The following NAV2 variants were observed in gnomAD, a reference collection of about 807,000 sequenced individuals.
The protein encoded by NAV2 is helicase, APC down-regulated 1.
A neutral mutation model predicts 223.2 loss-of-function variants in NAV2; 54 were observed. The observed-to-expected ratio is 0.24, with a 90% CI of 0.19 to 0.30. The LOEUF (loss-of-function observed/expected upper bound fraction) is 0.30. Among genes scored for constraint, NAV2 ranks in the 10% least tolerant of loss-of-function variants. The pLI, the probability that NAV2 is intolerant of heterozygous loss-of-function variation, is 1.00. For missense variants in NAV2, 2,806 were observed against 3,147.5 expected, an observed-to-expected ratio of 0.89 and a Z score of 2.60; for synonymous variants, 1,279 against 1,239.3, an observed-to-expected ratio of 1.03 and a Z score of -0.67.
intron 1 of NAV2, among the ~76,000 whole-genome samples, chr11:19,410,248 C>G (rs1850085740): frequency 6.6e-6 from 1 of 152,168 alleles, no homozygotes; most frequent in African/African-American, 2.4e-5. Flanking sequence ...CCTCTGGGCC[C>G]TTTCCTCCCT....
At chr11:19,460,713 A>G (rs1852126954) in intron 1 of NAV2, among the ~76,000 whole-genome samples, 1 of 152,050 alleles carries the variant, frequency 6.6e-6, no homozygotes, top group African/African-American at 2.4e-5. Context: ...GGTGCAGCAC[A>G]CCAACATGGC....
rs143369455 is a variant in NAV2 at position 19,722,148 on chromosome 11, T to C, written c.267+8186T>C. Among the ~76,000 whole-genome samples, 967 of 152,336 alleles carry C rather than the reference T, an allele frequency of 6.3e-3. 5 individuals are homozygous for C. The highest frequency in any genetic ancestry group is 9.6e-3 in the Non-Finnish European group (656 of 68,030). Reference sequence around the variant, plus strand: ...TAAGTTCTGGACTCTTTATCTTCTTTCTGGTATAGTGTGAAAACTTTGGCT... The same window carrying C: ...TAAGTTCTGGACTCTTTATCTTCTTCCTGGTATAGTGTGAAAACTTTGGCT... On this transcript the variant is annotated intron_variant, in intron 1 of 37. Transcript: ENST00000349880.
At chr11:19,945,366 CT>C (rs2046856365) in intron 8 of NAV2, among the ~76,000 whole-genome samples, 1 of 150,232 alleles carries the variant, frequency 6.7e-6, no homozygotes, top group Non-Finnish European at 1.5e-5. Context: ...CCTTCCCTTC[CT>C]TTCCCTGCCT....
chr11:19,602,478 T>G (rs1003062713), intron 1 of NAV2, among the ~76,000 whole-genome samples: 1 of 152,056 alleles, frequency 6.6e-6, no homozygotes, highest in Admixed American at 6.6e-5. Context: ...ACCCAGCCAC[T>G]TCTCTGCAAG....
intron 1 of NAV2, among the ~76,000 whole-genome samples, chr11:19,783,745 G>A (rs2056912433): frequency 6.6e-6 from 1 of 152,162 alleles, no homozygotes; most frequent in African/African-American, 2.4e-5. Context: ...TGATGATGAT[G>A]ATAATCATTC....
chr11:19,576,646 C>T (rs545382431), intron 1 of NAV2, among the ~76,000 whole-genome samples: 7 of 152,126 alleles, frequency 4.6e-5, no homozygotes, highest in Non-Finnish European at 7.4e-5. Context: ...TTACACATTC[C>T]GGTGCCTGGA....
intron 1 of NAV2, among the ~76,000 whole-genome samples, chr11:19,362,062 A>G (rs1221615003): frequency 1.3e-5 from 2 of 152,184 alleles, no homozygotes; most frequent in Admixed American, 6.5e-5. Context: ...AGGGAGATGG[A>G]CTAGCAATTG....
At chr11:19,893,270 T>G (rs553151298) in intron 6 of NAV2, among the ~76,000 whole-genome samples, 2 of 152,132 alleles carry the variant, frequency 1.3e-5, no homozygotes, top group Non-Finnish European at 2.9e-5. Context: ...CTCTATCTCT[T>G]GAGACATTGG....
chr11:19,521,491 G>C (rs1197450398), intron 1 of NAV2, among the ~76,000 whole-genome samples: 1 of 152,194 alleles, frequency 6.6e-6, no homozygotes, highest in East Asian at 1.9e-4. Context: ...TAAGTGCTCA[G>C]CAATAAAGGA....
chr11:20,056,371 G>A (rs535281728), intron 19 of NAV2, among the ~76,000 whole-genome samples: 4 of 152,330 alleles, frequency 2.6e-5, no homozygotes, highest in African/African-American at 7.2e-5. Context: ...TCTGGGGGCC[G>A]GGCAGCCACG....
intron 11 of NAV2, among the ~76,000 whole-genome samples, chr11:20,029,743 A>T (rs2055516653): frequency 6.6e-6 from 1 of 152,378 alleles, no homozygotes; most frequent in South Asian, 2.1e-4. Context: ...GAGAAGAAAC[A>T]TAGAAAATGT....
At chr11:19,887,350 G>A (rs1322144567) in intron 5 of NAV2, among the ~76,000 whole-genome samples, 1 of 151,994 alleles carries the variant, frequency 6.6e-6, no homozygotes, top group Non-Finnish European at 1.5e-5. Context: ...GGTGAGCCCA[G>A]GGAGGCTTAT....
chr11:19,964,557 A>G (rs1013463714), intron 10 of NAV2, among the ~76,000 whole-genome samples: 6 of 151,108 alleles, frequency 4.0e-5, no homozygotes, highest in Non-Finnish European at 7.4e-5. Flanking sequence ...GTGCAATAGC[A>G]TGATCATAGC....
chr11:19,947,956 A>C (rs985693993), intron 9 of NAV2, among the ~76,000 whole-genome samples: 6 of 152,264 alleles, frequency 3.9e-5, no homozygotes, highest in Admixed American at 3.9e-4. Context: ...GGAGAATCCC[A>C]CCCTTAGGAA....
chr11:19,374,085 TATA>T (rs2133876813), intron 1 of NAV2, among the ~76,000 whole-genome samples: 1 of 152,356 alleles, frequency 6.6e-6, no homozygotes, highest in East Asian at 1.9e-4. Context: ...TTATAGCAAT[TATA>T]ATAATGTTAT....
intron 1 of NAV2, among the ~76,000 whole-genome samples, chr11:19,424,098 A>G (rs1850728550): frequency 6.6e-6 from 1 of 152,214 alleles, no homozygotes; most frequent in Non-Finnish European, 1.5e-5. Flanking sequence ...TATTCTTTGT[A>G]TGAGCTGCTT....
intron 1 of NAV2, among the ~76,000 whole-genome samples, chr11:19,817,399 C>T (rs2059144607): frequency 6.6e-6 from 1 of 150,744 alleles, no homozygotes; most frequent in Admixed American, 6.6e-5. Context: ...TGCCTGGGAC[C>T]TAGTAAGCCC....
chr11:20,079,044 C>T (rs10741816), intron 24 of NAV2, among the ~76,000 whole-genome samples: 134,264 of 152,210 alleles, frequency 0.88, 59,312 homozygotes, highest in East Asian at 0.96. Context: ...AGAGTCACTT[C>T]CTTTTTCTTT....
At chr11:20,109,271 A>G (rs2062431329) in intron 36 of NAV2, among the ~76,000 whole-genome samples, 1 of 152,158 alleles carries the variant, frequency 6.6e-6, no homozygotes, top group Non-Finnish European at 1.5e-5. Flanking sequence ...AAGTCAGCAT[A>G]TTTAATAAAG....
Sources: allele counts gnomAD v4.1 joint callset (sites outside exome capture counted in the v4.1 genomes callset), GRCh38; gene constraint gnomAD v4.1.1; transcripts MANE v1.5; gene names NCBI Gene and HGNC (gene_info 2026-07-23, HGNC 2026-07-21).